The following ARSJ variants were observed in gnomAD, a reference collection of about 807,000 sequenced individuals.
ARSJ encodes the protein arylsulfatase J.
In ARSJ, 26 loss-of-function variants were observed where a neutral mutation model predicts 35.9. That is an observed-to-expected ratio of 0.72 (90% CI 0.53 to 1.00). ARSJ has a LOEUF of 1.00. ARSJ is among the 50% of genes least tolerant of loss of function. The probability of loss-of-function intolerance (pLI) is 0.00; values close to 1 mark genes in which losing one functional copy is unlikely to be tolerated. For missense variants in ARSJ, 667 were observed against 723.6 expected (o/e 0.92, Z 0.90); for synonymous variants, 294 against 267.6 (o/e 1.10, Z -0.96).
intron 1 of ARSJ, among the ~76,000 whole-genome samples, chr4:113,947,046 G>GT (rs1431672130): frequency 2.6e-5 from 4 of 152,170 alleles, no homozygotes; most frequent in Non-Finnish European, 4.4e-5. Context: ...AAAAATAATT[G>GT]TAAGTATTAC....
chr4:113,977,076 A>G lies in ARSJ; in HGVS notation c.398+1361T>C, dbSNP rs111953675. The stretch of plus-strand genomic sequence containing the variant: ...TTCTATAAGTTAGTTGAAGAGGTCC[A>G]GTGAGGCTTTGTGAGACATTTATTT... On this transcript the variant is annotated intron_variant, in intron 1 of 1. Coordinates refer to ENST00000315366, the MANE Select transcript of ARSJ (RefSeq NM_024590.4). Among the ~76,000 whole-genome samples, 1,287 of 152,340 alleles carry G rather than the reference A, an allele frequency of 8.4e-3. 14 individuals are homozygous for G. The highest frequency in any genetic ancestry group is 0.029 in the African/African-American group (1,209 of 41,586).
rs1562327979 is a variant in ARSJ at position 113,902,845 on chromosome 4, C to T, written c.1229G>A (p.Gly410Asp). 1 of 1,614,134 alleles carries T rather than the reference C, an allele frequency of 6.2e-7. No homozygotes were observed. The highest frequency in any genetic ancestry group is 1.3e-5 in the African/African-American group (1 of 75,020). ...AATATCTACTCGGGGTGAGCGAAGACCCTCACTTATGGTCTCCCAGATATC... is the reference window on the plus strand; with the variant it reads ...AATATCTACTCGGGGTGAGCGAAGATCCTCACTTATGGTCTCCCAGATATC... ...GYDIWETISE[G>D]LRSPRVDILH... is the part of the protein sequence containing the mutation. Residue 410 changes from glycine (G) to aspartate (D), a missense_variant, in exon 2 of 2, where the codon GGT becomes GAT. By Grantham distance (94) the Gly-to-Asp change is moderately conservative. Transcript: ENST00000315366.
At chr4:113,972,564 C>A (rs546486501) in intron 1 of ARSJ, among the ~76,000 whole-genome samples, 2 of 152,064 alleles carry the variant, frequency 1.3e-5, no homozygotes, top group African/African-American at 4.8e-5. Context: ...GGCTAGAGTG[C>A]GGTGGCCCAA....
intron 1 of ARSJ, among the ~76,000 whole-genome samples, chr4:113,909,342 G>A (rs757886133): frequency 1.3e-5 from 2 of 152,056 alleles, no homozygotes; most frequent in Non-Finnish European, 2.9e-5. Context: ...TAGTAAACAG[G>A]CTAGATAAGC....
At chr4:113,956,123 TAG>T (rs1726165150) in intron 1 of ARSJ, among the ~76,000 whole-genome samples, 1 of 152,040 alleles carries the variant, frequency 6.6e-6, no homozygotes, top group Non-Finnish European at 1.5e-5. Context: ...CTAGTTTTTG[TAG>T]AGACAGGGTT....
At chr4:113,942,610 C>A (rs1293339563) in intron 1 of ARSJ, among the ~76,000 whole-genome samples, 1 of 151,978 alleles carries the variant, frequency 6.6e-6, no homozygotes, top group Admixed American at 6.6e-5. Context: ...AGGTAGTATA[C>A]AATCAACAAG....
intron 1 of ARSJ, among the ~76,000 whole-genome samples, chr4:113,942,727 G>C (rs1725234171): frequency 6.6e-6 from 1 of 152,008 alleles, no homozygotes; most frequent in Non-Finnish European, 1.5e-5. Flanking sequence ...TAGAATTTCA[G>C]AGGTTTTTCT....
At chr4:113,933,443 A>G (rs1414735408) in intron 1 of ARSJ, among the ~76,000 whole-genome samples, 1 of 151,982 alleles carries the variant, frequency 6.6e-6, no homozygotes, top group African/African-American at 2.4e-5. Context: ...AGGGATGCAA[A>G]AATTATCAAC....
intron 1 of ARSJ, among the ~76,000 whole-genome samples, chr4:113,931,588 A>G (rs899004422): frequency 2.0e-5 from 3 of 152,114 alleles, no homozygotes; most frequent in African/African-American, 4.8e-5. Context: ...AGTTATGATT[A>G]AAAATACATT....
chr4:113,916,119 T>C (rs1389573580), intron 1 of ARSJ, among the ~76,000 whole-genome samples: 2 of 152,230 alleles, frequency 1.3e-5, no homozygotes, highest in East Asian at 1.9e-4. Flanking sequence ...GAATATTTTA[T>C]ATTTGTTATA....
intron 1 of ARSJ, among the ~76,000 whole-genome samples, chr4:113,938,135 C>G (rs1307994977): frequency 2.6e-5 from 4 of 152,052 alleles, no homozygotes; most frequent in Non-Finnish European, 4.4e-5. Context: ...CAACTTCAAA[C>G]TATACTATGA....
Position 113,902,642 on chromosome 4 carries a change from T to C in ARSJ, c.1432A>G (p.Asn478Asp). 2 of 1,614,188 alleles carry C rather than the reference T, an allele frequency of 1.2e-6. No individual in the cohort carries two copies. Among genetic ancestry groups the C allele is most frequent in the African/African-American group, 2.7e-5 (2 of 75,044 alleles). The change falls in exon 2 of 2, where the codon AAC becomes GAC. Residue 478 changes from asparagine (N) to aspartate (D), a missense_variant. Coordinates refer to ENST00000315366, the MANE Select transcript of ARSJ (RefSeq NM_024590.4). ...PPQSFSNLGPNRWHNERITLS... is the reference protein window; with the variant it reads ...PPQSFSNLGPDRWHNERITLS... ...GTGATCCGTTCATTGTGCCACCGGT[T>C]CGGTCCCAGGTTGCTGAAAGACTGA...
At chr4:113,950,778 C>T (rs558155612) in intron 1 of ARSJ, among the ~76,000 whole-genome samples, 53 of 152,066 alleles carry the variant, frequency 3.5e-4, no homozygotes, top group African/African-American at 1.2e-3. Context: ...ACATTAAGAG[C>T]GTATGCTTTC....
rs189845378 is a variant in ARSJ, at chr4:113,951,158, T to C, written c.398+27279A>G. ...CAAAAATGCTTCCAATATGGGGAAGTTCAATATCTCACCAGACAGCTCATT... is the reference window on the plus strand; with the variant it reads ...CAAAAATGCTTCCAATATGGGGAAGCTCAATATCTCACCAGACAGCTCATT... On this transcript the variant is annotated intron_variant, in intron 1 of 1. Transcript: ENST00000315366. 3.5e-3 allele frequency among the ~76,000 whole-genome samples: 529 copies of C among 152,158 alleles called. 4 individuals are homozygous for C. The highest frequency in any genetic ancestry group is 0.012 in the African/African-American group (505 of 41,548).
At chr4:113,969,732 A>T (rs902683627) in intron 1 of ARSJ, among the ~76,000 whole-genome samples, 1 of 152,196 alleles carries the variant, frequency 6.6e-6, no homozygotes, top group Admixed American at 6.5e-5. Flanking sequence ...CTTACTATAA[A>T]TTATATGCTA....
intron 1 of ARSJ, among the ~76,000 whole-genome samples, chr4:113,926,548 G>A (rs1412225156): frequency 6.6e-6 from 1 of 152,150 alleles, no homozygotes; most frequent in Non-Finnish European, 1.5e-5. Flanking sequence ...ATTGGTGCAT[G>A]CTGGGGGAGG....
At chr4:113,926,019 A>C (rs1042716685) in intron 1 of ARSJ, among the ~76,000 whole-genome samples, 3 of 152,112 alleles carry the variant, frequency 2.0e-5, no homozygotes, top group Non-Finnish European at 4.4e-5. Flanking sequence ...TCATGGACCC[A>C]TTGGGCAATG....
At chr4:113,938,104 A>T (rs1284017371) in intron 1 of ARSJ, among the ~76,000 whole-genome samples, 5 of 152,110 alleles carry the variant, frequency 3.3e-5, no homozygotes, top group Non-Finnish European at 7.4e-5. Flanking sequence ...AAAAGAATAA[A>T]CCTGGAAGCA....
At chr4:113,975,419 C>G (rs1410475894) in intron 1 of ARSJ, among the ~76,000 whole-genome samples, 1 of 152,074 alleles carries the variant, frequency 6.6e-6, no homozygotes, top group Non-Finnish European at 1.5e-5. Context: ...CTTTATGAAG[C>G]CTTCACTATA....
Sources: allele counts gnomAD v4.1 joint callset (sites outside exome capture counted in the v4.1 genomes callset), GRCh38; gene constraint gnomAD v4.1.1; transcripts MANE v1.5; gene names NCBI Gene and HGNC (gene_info 2026-07-23, HGNC 2026-07-21).